ZNF24: variants seen among roughly 807,000 people sequenced by gnomAD.
ZNF24 encodes zinc finger protein 24, also known as retinoic acid suppression protein A.
Under a neutral mutation model 40.9 loss-of-function variants are expected in ZNF24, and 11 were observed. The observed-to-expected ratio is 0.27, with a 90% confidence interval of 0.17 to 0.45. ZNF24 has a LOEUF of 0.45. Among genes scored for constraint, ZNF24 ranks in the 20% least tolerant of loss-of-function variants. ZNF24 has a pLI of 1.00. For missense variants in ZNF24, 293 were observed against 437.7 expected, an observed-to-expected ratio of 0.67 and a Z score of 2.95; for synonymous variants, 139 against 154.7, an observed-to-expected ratio of 0.90 and a Z score of 0.75.
In ZNF24 at chr18:35,337,380, G is replaced by A. The variant is rs1362861608; in HGVS notation, c.959C>T (p.Ser320Leu). 1.2e-6 allele frequency: 2 copies of A among 1,613,872 alleles called. No homozygotes were observed. Among genetic ancestry groups the A allele is most frequent in the Non-Finnish European group, 1.7e-6 (2 of 1,179,956 alleles). Reference protein sequence around the residue: ...LECGKAFSQNSGLINHQRIHT... With the variant: ...LECGKAFSQNLGLINHQRIHT... ...GATTCTCTGATGATTAATAAGCCCC[G>A]AATTCTGGCTAAAGGCTTTCCCACA... Residue 320 changes from serine to leucine, a missense_variant, in exon 4 of 4, where the codon TCG becomes TTG. Around this residue, in one of 2 missense-constraint regions of ZNF24, gnomAD observed 59 missense variants for 138.6 expected, o/e 0.43. Coordinates refer to ENST00000261332, the MANE Select transcript of ZNF24 (RefSeq NM_006965.4).
chr18:35,339,789 C>G, intron 3 of ZNF24, 40 bp downstream of exon 3: 1 of 1,544,070 alleles, frequency 6.5e-7, no homozygotes, highest in African/African-American at 1.4e-5. Context: ...GGCCTATACT[C>G]TCTTTCACCC....
intron 1 of ZNF24, among the ~76,000 whole-genome samples, chr18:35,341,980 G>C (rs1333367319): frequency 2.6e-5 from 4 of 152,118 alleles, no homozygotes; most frequent in African/African-American, 9.7e-5. Flanking sequence ...GGCAGATCAC[G>C]AGGTCAAGAG....
Position 35,337,357 on chromosome 18 carries a change from T to C in ZNF24, c.982A>G (p.Ile328Val). Reference sequence around the variant, plus strand: ...TCATAAGGTTTCTCCCCAGTATGGATTCTCTGATGATTAATAAGCCCCGAA... The same window carrying C: ...TCATAAGGTTTCTCCCCAGTATGGACTCTCTGATGATTAATAAGCCCCGAA... Reference protein sequence around the residue: ...QNSGLINHQRIHTGEKPYECV... With the variant: ...QNSGLINHQRVHTGEKPYECV... Residue 328 changes from isoleucine (I) to valine (V), a missense_variant, in exon 4 of 4, where the codon ATC (isoleucine) becomes GTC (valine). This residue lies in a region of ZNF24 where 59 missense variants were observed against 138.6 expected (regional missense o/e 0.43). Transcript: ENST00000261332. 6.2e-7 allele frequency: 1 copy of C among 1,614,124 alleles called. No homozygotes were observed. The highest frequency in any genetic ancestry group is 1.1e-5 in the South Asian group (1 of 91,084).
rs370750085 is a variant in ZNF24, at chr18:35,341,491, CTACT to C, written c.-83-762_-83-759del. Among the ~76,000 whole-genome samples the C allele has an allele frequency of 1.9e-3, 289 of 152,296 alleles. 2 individuals carry two copies. The highest frequency in any genetic ancestry group is 6.7e-3 in the African/African-American group (278 of 41,568). ...TATATTATTTTAGAGTGTGCTCCTT[CTACT>C]TACTAAATAAAAAAGTTAACTGCAA... On this transcript the variant is annotated intron_variant, in intron 1 of 3. Transcript: ENST00000261332.
At chr18:35,343,781 CA>C (rs2044990688) in intron 1 of ZNF24, 1 of 152,572 alleles carries the variant, frequency 6.6e-6, no homozygotes, top group African/African-American at 2.4e-5. Flanking sequence ...ACGGTCCCGA[CA>C]ATGTTTGGGC....
At chr18:35,341,743 G>T (rs915456362) in intron 1 of ZNF24, among the ~76,000 whole-genome samples, 4 of 152,088 alleles carry the variant, frequency 2.6e-5, no homozygotes, top group African/African-American at 7.2e-5. Context: ...AATTGGCCAG[G>T]TGCAATGGTT....
intron 3 of ZNF24, 121 bp downstream of exon 3, chr18:35,339,708 A>G: frequency 1.1e-6 from 1 of 888,460 alleles, no homozygotes; most frequent in Non-Finnish European, 1.6e-6. Flanking sequence ...TAATCAGAAA[A>G]AAACTGAGAT....
intron 1 of ZNF24, among the ~76,000 whole-genome samples, chr18:35,342,288 CAAAA>C (rs1435202386): frequency 1.3e-5 from 2 of 151,086 alleles, no homozygotes; most frequent in Non-Finnish European, 2.9e-5. Context: ...AGTGTTATCA[CAAAA>C]GAGTAAAAAA....
At chr18:35,343,967 A>G (rs1598690248) in intron 1 of ZNF24, 1 of 152,498 alleles carries the variant, frequency 6.6e-6, no homozygotes, top group South Asian at 2.0e-4. Context: ...GAACCACGGC[A>G]CTTCCGCCTG....
At chr18:35,343,287 T>C (rs1322848325) in intron 1 of ZNF24, among the ~76,000 whole-genome samples, 1 of 152,128 alleles carries the variant, frequency 6.6e-6, no homozygotes, top group African/African-American at 2.4e-5. Context: ...CACAGAAACT[T>C]CTATTAAGAA....
chr18:35,338,086 G>T, intron 3 of ZNF24: 1 of 812,872 alleles, frequency 1.2e-6, no homozygotes, highest in Non-Finnish European at 1.5e-6. Flanking sequence ...AGGTATGGAT[G>T]AAACTTTGTA....
chr18:35,344,105 G>A (rs1025852838), intron 1 of ZNF24, among the ~76,000 whole-genome samples: 1 of 152,134 alleles, frequency 6.6e-6, no homozygotes, highest in Non-Finnish European at 1.5e-5. Context: ...ACCGGCCGGT[G>A]GGGGAGGGGG....
chr18:35,339,554 G>A (rs949594754), intron 3 of ZNF24, among the ~76,000 whole-genome samples: 1 of 152,144 alleles, frequency 6.6e-6, no homozygotes, highest in African/African-American at 2.4e-5. Context: ...AGAGGGACTT[G>A]GTCCATGGGT....
rs1424918266 is a variant in ZNF24, at chr18:35,340,760, T to TA, written c.-83-28dup. ...TGAGGCATAAGAAATAAAAGATATA[T>TA]AAATAAGCAAAAATATCCTAAGAAT... On this transcript the variant is annotated intron_variant, in intron 1 of 3. Transcript: ENST00000261332. This position sits in a 1 kb window ranked among gnomAD's most constrained non-coding sequence, Gnocchi z 4.6. 6 of 941,566 alleles carry TA rather than the reference T, an allele frequency of 6.4e-6. No individual in the cohort carries two copies. The highest frequency in any genetic ancestry group is 9.2e-6 in the Non-Finnish European group (6 of 650,388). 58.3% of individuals were successfully genotyped at this position (941,566 alleles called of 1,614,324 possible).
In ZNF24 at chr18:35,340,017, G is replaced by A; in HGVS notation, c.421-41C>T. The A allele has an allele frequency of 6.3e-7, 1 of 1,585,908 alleles. No individual in the cohort carries two copies. Among genetic ancestry groups the A allele is most frequent in the East Asian group, 2.3e-5 (1 of 44,244 alleles). On this transcript the variant is annotated intron_variant, in intron 2 of 3. Transcript: ENST00000261332. The surrounding 1 kb of genome is among the most constrained non-coding windows in gnomAD (Gnocchi z 4.6). ...TTTGATTCAGAGAAGGAACTGTAATGAGAATCAGAACTAAAAACACGTAAG... is the reference window on the plus strand; with the variant it reads ...TTTGATTCAGAGAAGGAACTGTAATAAGAATCAGAACTAAAAACACGTAAG...
Position 35,340,504 on chromosome 18 carries a change from C to T in ZNF24, c.147G>A (p.Glu49=), listed in dbSNP as rs556074473. Residue 49 remains glutamate (E), a synonymous_variant, in exon 2 of 4, where the codon GAG becomes GAA. Coordinates refer to ENST00000261332, the MANE Select transcript of ZNF24 (RefSeq NM_006965.4). The surrounding 1 kb of genome is among the most constrained non-coding windows in gnomAD (Gnocchi z 4.6). ...ACTGCCTGAATCGCTGTCGGAAAAT[C>T]TCTGGGTCTGGGAGATGGTTCCAGG... The part of the protein sequence containing the change: ...SIPWNHLPDP[E]IFRQRFRQFG... 1 of 1,614,114 alleles carries T rather than the reference C, an allele frequency of 6.2e-7. No individual in the cohort carries two copies.
Position 35,340,001 on chromosome 18 carries a change from G to A in ZNF24, c.421-25C>T, listed in dbSNP as rs377723015. The A allele has an allele frequency of 2.5e-6, 4 of 1,597,526 alleles. No homozygotes were observed. The highest frequency in any genetic ancestry group is 3.4e-6 in the Non-Finnish European group (4 of 1,167,568). On this transcript the variant is annotated intron_variant, in intron 2 of 3. Transcript: ENST00000261332. The surrounding 1 kb of genome is among the most constrained non-coding windows in gnomAD (Gnocchi z 4.6). Reference sequence around the variant, plus strand: ...CCTGGAAACAGAAAGATTTGATTCAGAGAAGGAACTGTAATGAGAATCAGA... The same window carrying A: ...CCTGGAAACAGAAAGATTTGATTCAAAGAAGGAACTGTAATGAGAATCAGA...
Position 35,339,012 on chromosome 18 carries a change from C to T in ZNF24, c.568+817G>A, listed in dbSNP as rs561732703. On this transcript the variant is annotated intron_variant, in intron 3 of 3. Coordinates refer to ENST00000261332, the MANE Select transcript of ZNF24 (RefSeq NM_006965.4). ...ACTGTCCCCTCAGATGTGAAGAAAA[C>T]CTGCTCAGACCTCATTCAGTGGCAT... 51 of 1,535,748 alleles carry T rather than the reference C, an allele frequency of 3.3e-5. No homozygotes were observed. In the African/African-American group the frequency reaches 6.8e-4, roughly 21 times the overall value.
In ZNF24 at chr18:35,333,065, G is replaced by A. The variant is rs2044872467; in HGVS notation, c.*4167C>T. 6.6e-6 allele frequency: 1 copy of A among 152,056 alleles called. No individual in the cohort carries two copies. 9.4% of individuals were successfully genotyped at this position (152,056 alleles called of 1,614,324 possible). A position where few individuals can be genotyped will look rare whatever the true frequency, so the allele number is the denominator to read the frequency against. On this transcript the variant is annotated 3_prime_UTR_variant, in exon 4 of 4. Coordinates refer to ENST00000261332, the MANE Select transcript of ZNF24 (RefSeq NM_006965.4). ...GAAGGCCTTTGGGAAGACTGAAGGT[G>A]GACAGAGAACAAACCCTTTGATCCA...
Sources: gnomAD v4.1 joint callset for allele counts (sites outside exome capture counted in the v4.1 genomes callset) on GRCh38, gnomAD v4.1.1 for gene constraint, gnomAD v4.1.1 regional missense constraint, Gnocchi (gnomAD v3.1) non-coding constraint, MANE v1.5 for transcripts, NCBI Gene and HGNC (gene_info 2026-07-23, HGNC 2026-07-21) for gene names.